Variants in SOX6 observed in about 807,000 individuals in gnomAD.
The protein encoded by SOX6 is transcription factor SOX-6.
In SOX6, 11 loss-of-function variants were observed where a neutral mutation model predicts 97.8. That is an observed-to-expected ratio of 0.11 (90% CI 0.07 to 0.19). The LOEUF (loss-of-function observed/expected upper bound fraction) is 0.19, where lower values mean the gene tolerates loss of function less well. SOX6 is among the 10% of genes least tolerant of loss of function. The pLI, the probability that SOX6 is intolerant of heterozygous loss-of-function variation, is 1.00. For missense variants in SOX6, 810 were observed against 1,039.5 expected, an observed-to-expected ratio of 0.78 and a Z score of 3.04; for synonymous variants, 360 against 371.4, an observed-to-expected ratio of 0.97 and a Z score of 0.35.
intron 3 of SOX6, chr11:16,315,770 A>G (rs1430729649): frequency 1.3e-5 from 2 of 152,188 alleles, no homozygotes; most frequent in African/African-American, 4.8e-5. Flanking sequence ...GAATCTTTAA[A>G]GACACCATCA....
intron 9 of SOX6, among the ~76,000 whole-genome samples, chr11:16,095,401 A>G (rs1307225609): frequency 1.3e-5 from 2 of 151,814 alleles, no homozygotes; most frequent in African/African-American, 4.8e-5. Flanking sequence ...AAGGTGAAAT[A>G]TGAAAAGAAT....
At chr11:16,113,227 T>A (rs1188783759) in intron 6 of SOX6, among the ~76,000 whole-genome samples, 1 of 152,188 alleles carries the variant, frequency 6.6e-6, no homozygotes, top group Non-Finnish European at 1.5e-5. Flanking sequence ...AGCCCTAAGA[T>A]GTGGGTTAAT....
intron 9 of SOX6, among the ~76,000 whole-genome samples, chr11:16,080,258 TA>T (rs11354992): frequency 0.49 from 51,588 of 106,138 alleles, 9,525 homozygotes; most frequent in Non-Finnish European, 0.52. Flanking sequence ...TTAAGAAAAC[TA>T]AAAAAAAAAA....
intron 12 of SOX6, among the ~76,000 whole-genome samples, chr11:16,035,089 C>T (rs1405999286): frequency 6.6e-6 from 1 of 152,170 alleles, no homozygotes; most frequent in Non-Finnish European, 1.5e-5. Context: ...ACAAAGTTTG[C>T]TCACATGAAC....
intron 4 of SOX6, among the ~76,000 whole-genome samples, chr11:16,521,801 A>C (rs1331971343): frequency 6.6e-6 from 1 of 152,226 alleles, no homozygotes; most frequent in African/African-American, 2.4e-5. Context: ...GATGGAGCTG[A>C]AAGCCAAGGC....
chr11:16,669,140 G>A (rs1053437141), intron 3 of SOX6, among the ~76,000 whole-genome samples: 10 of 151,928 alleles, frequency 6.6e-5, no homozygotes, highest in African/African-American at 2.2e-4. Context: ...ATATATGTTA[G>A]GCCACAAAAC....
At chr11:16,534,924 C>T (rs895357254) in intron 4 of SOX6, among the ~76,000 whole-genome samples, 1 of 152,096 alleles carries the variant, frequency 6.6e-6, no homozygotes, top group African/African-American at 2.4e-5. Flanking sequence ...ACTTAATGTC[C>T]ACATAATTGC....
chr11:16,145,003 G>A (rs1017640041), intron 6 of SOX6, among the ~76,000 whole-genome samples: 16 of 152,284 alleles, frequency 1.1e-4, no homozygotes, highest in African/African-American at 1.4e-4. Flanking sequence ...CATTTTATGA[G>A]GCCAGCATCA....
intron 3 of SOX6, among the ~76,000 whole-genome samples, chr11:16,674,333 T>C (rs1313932610): frequency 2.0e-5 from 3 of 152,178 alleles, no homozygotes; most frequent in African/African-American, 4.8e-5. Context: ...GAAAAAGCAT[T>C]TGATAAGATT....
At chr11:16,479,818 T>C (rs1860312384), upstream of SOX6, among the ~76,000 whole-genome samples, 1 of 152,098 alleles carries the variant, frequency 6.6e-6, no homozygotes, top group African/African-American at 2.4e-5. Flanking sequence ...TTTAAAACTT[T>C]TACTGTCTAT....
intron 4 of SOX6, among the ~76,000 whole-genome samples, chr11:16,228,613 A>G (rs1468172182): frequency 6.6e-6 from 1 of 152,154 alleles, no homozygotes; most frequent in African/African-American, 2.4e-5. Context: ...TGAAGTTGAT[A>G]ATATTGTGCT....
At chr11:16,068,385 T>C (rs1848143531) in intron 9 of SOX6, among the ~76,000 whole-genome samples, 1 of 152,136 alleles carries the variant, frequency 6.6e-6, no homozygotes. Flanking sequence ...TAACGAGTCA[T>C]TACAGACTGA....
intron 1 of SOX6, among the ~76,000 whole-genome samples, chr11:16,430,959 G>A (rs775876316): frequency 2.0e-4 from 31 of 152,082 alleles, no homozygotes; most frequent in Non-Finnish European, 4.0e-4. Flanking sequence ...TTTAAATTAT[G>A]CCTGTCCTCA....
chr11:16,376,538 T>C (rs951346675), intron 1 of SOX6, among the ~76,000 whole-genome samples: 1 of 152,174 alleles, frequency 6.6e-6, no homozygotes, highest in African/African-American at 2.4e-5. Context: ...TGCCTTTTAA[T>C]GGCTAAAGCC....
At chr11:16,614,779 C>A (rs1400924945) in intron 3 of SOX6, among the ~76,000 whole-genome samples, 3 of 152,132 alleles carry the variant, frequency 2.0e-5, no homozygotes, top group Non-Finnish European at 4.4e-5. Context: ...CATTTCCCTG[C>A]TACTTGGATG....
At chr11:16,428,797 T>C (rs1859208996) in intron 1 of SOX6, among the ~76,000 whole-genome samples, 1 of 152,192 alleles carries the variant, frequency 6.6e-6, no homozygotes, top group Admixed American at 6.5e-5. Context: ...TAGGATTGAC[T>C]TGGAAATGCA....
chr11:16,473,434 A>G (rs944605623), intron 1 of SOX6, among the ~76,000 whole-genome samples: 2 of 152,062 alleles, frequency 1.3e-5, no homozygotes, highest in African/African-American at 4.8e-5. Flanking sequence ...TGATCATTTG[A>G]GCCTTCAGCA....
intron 14 of SOX6, among the ~76,000 whole-genome samples, chr11:15,988,411 T>C (rs1365115133): frequency 6.6e-6 from 1 of 152,238 alleles, no homozygotes; most frequent in African/African-American, 2.4e-5. Context: ...CTCACTGCTA[T>C]GAAATTTGAA....
chr11:16,332,290 C>A (rs533304188), intron 2 of SOX6, among the ~76,000 whole-genome samples: 1 of 152,180 alleles, frequency 6.6e-6, no homozygotes, highest in East Asian at 1.9e-4. Context: ...AAAATTATTA[C>A]TCACCACTGG....
Sources: gnomAD v4.1 joint callset for allele counts (sites outside exome capture counted in the v4.1 genomes callset) on GRCh38, gnomAD v4.1.1 for gene constraint, MANE v1.5 for transcripts, NCBI Gene and HGNC (gene_info 2026-07-23, HGNC 2026-07-21) for gene names.